The following LARP4B variants were observed in gnomAD, a reference collection of about 807,000 sequenced individuals.
The protein encoded by LARP4B is La ribonucleoprotein 4B, also known as la-related protein 4B.
LARP4B carries 12 observed loss-of-function variants against 89.8 expected under a neutral mutation model. The ratio of observed to expected loss-of-function variants is 0.13; its 90% confidence interval spans 0.09 to 0.22. LARP4B has a LOEUF of 0.22. Ranked by LOEUF, LARP4B falls within the 10% of genes least tolerant of loss-of-function variation. LARP4B has a pLI of 1.00. For missense variants in LARP4B, 757 were observed against 947.7 expected (o/e 0.80, Z 2.64); for synonymous variants, 367 against 363.3 (o/e 1.01, Z -0.12).
chr10:962,583 A>G, the LARP4B span, among the ~76,000 whole-genome samples: 4 of 152,180 alleles, frequency 2.6e-5, no homozygotes, highest in Admixed American at 6.5e-5. Context: ...GCTTGGTGTG[A>G]TACAAATCCT....
intron 8 of LARP4B, among the ~76,000 whole-genome samples, chr10:832,926 T>C (rs1832984568): frequency 6.6e-6 from 1 of 152,188 alleles, no homozygotes; most frequent in African/African-American, 2.4e-5. Context: ...TTTTAATCTC[T>C]TTTTAAAAGT....
intron 1 of LARP4B, among the ~76,000 whole-genome samples, chr10:920,396 A>G (rs1836946653): frequency 6.6e-6 from 1 of 152,258 alleles, no homozygotes; most frequent in Non-Finnish European, 1.5e-5. Context: ...TGACAAAATA[A>G]CGTAGAACAA....
At position 810,672 on chromosome 10, in the gene LARP4B, T is replaced by C. The variant is rs1044950574; in HGVS notation, c.*2254A>G. On this transcript the variant is annotated 3_prime_UTR_variant, in exon 18 of 18. Coordinates refer to ENST00000316157, the MANE Select transcript of LARP4B (RefSeq NM_015155.3). Reference sequence around the variant, plus strand: ...GGCCTTGTGTTTTGGGAATGGCTGATGGCGCCCTGGCCCTTCCGTAGCGAA... The same window carrying C: ...GGCCTTGTGTTTTGGGAATGGCTGACGGCGCCCTGGCCCTTCCGTAGCGAA... 1 of 152,258 alleles carries C rather than the reference T, an allele frequency of 6.6e-6. No individual in the cohort carries two copies. The highest frequency in any genetic ancestry group is 1.5e-5 in the Non-Finnish European group (1 of 68,042). 9.4% of individuals were successfully genotyped at this position (152,258 alleles called of 1,614,324 possible). A position where few individuals can be genotyped will look rare whatever the true frequency, so the allele number is the denominator to read the frequency against.
the LARP4B span, among the ~76,000 whole-genome samples, chr10:962,503 T>C: frequency 6.6e-6 from 1 of 152,094 alleles, no homozygotes; most frequent in Non-Finnish European, 1.5e-5. Context: ...AATAAGAATT[T>C]GGCTTCCTTG....
chr10:970,504 T>C, the LARP4B span, among the ~76,000 whole-genome samples: 1 of 152,194 alleles, frequency 6.6e-6, no homozygotes, highest in Non-Finnish European at 1.5e-5. Context: ...ACTGAGTCTC[T>C]AAGAGCTTGT....
Position 863,867 on chromosome 10 carries a change from A to G in LARP4B, c.306T>C (p.Gly102=), listed in dbSNP as rs1319179417. The change falls in exon 5 of 18, where the codon GGT becomes GGC. Residue 102 remains glycine (G), a synonymous_variant. Transcript: ENST00000316157. ...DRGPQGSDAN[G]DGDQGHENAA... is the part of the protein sequence containing the mutation. ...CATTCTCATGGCCCTGGTCACCATC[A>G]CCATTGGCATCCGATCCTACAATTA... The G allele has an allele frequency of 1.2e-6, 2 of 1,612,638 alleles. No individual in the cohort carries two copies. The highest frequency in any genetic ancestry group is 8.5e-7 in the Non-Finnish European group (1 of 1,179,682).
chr10:858,143 T>C (rs1834403728), intron 5 of LARP4B, among the ~76,000 whole-genome samples: 1 of 152,220 alleles, frequency 6.6e-6, no homozygotes, highest in African/African-American at 2.4e-5. Flanking sequence ...GGCTCCTCTA[T>C]ATTCTTGTAG....
intron 5 of LARP4B, among the ~76,000 whole-genome samples, chr10:858,375 TA>T (rs1450007670): frequency 6.6e-6 from 1 of 152,186 alleles, no homozygotes; most frequent in Non-Finnish European, 1.5e-5. Flanking sequence ...ATCCATACTT[TA>T]TACCATATAC....
intron 1 of LARP4B, among the ~76,000 whole-genome samples, chr10:890,952 A>C (rs964599670): frequency 6.6e-6 from 1 of 152,204 alleles, no homozygotes; most frequent in Non-Finnish European, 1.5e-5. Context: ...CAAATGGGCA[A>C]GTCATAGAAG....
chr10:914,079 G>A lies in LARP4B; in HGVS notation c.-40+17349C>T, dbSNP rs747653229. Among the ~76,000 whole-genome samples the A allele has an allele frequency of 1.1e-3, 161 of 152,026 alleles. 1 individual carries two copies. The highest frequency in any genetic ancestry group is 1.7e-3 in the Non-Finnish European group (115 of 68,002). On this transcript the variant is annotated intron_variant, in intron 1 of 17. Coordinates refer to ENST00000316157, the MANE Select transcript of LARP4B (RefSeq NM_015155.3). ...TATCTCATTTATAGGGTACAGAAAA[G>A]TTAAATATATTTAGGTTATAAACAA...
At chr10:902,676 ACT>A (rs1436032224) in intron 1 of LARP4B, among the ~76,000 whole-genome samples, 2 of 147,326 alleles carry the variant, frequency 1.4e-5, no homozygotes, top group Non-Finnish European at 3.0e-5. Context: ...ATAGAGTCTC[ACT>A]CTGTTGCCCA....
intron 1 of LARP4B, among the ~76,000 whole-genome samples, chr10:921,001 T>C (rs1836962431): frequency 1.3e-5 from 2 of 151,726 alleles, no homozygotes; most frequent in Middle Eastern, 3.4e-3. Flanking sequence ...GGGTCAGGCA[T>C]GGTGGCTCAC....
At chr10:849,976 A>T (rs978594232) in intron 5 of LARP4B, among the ~76,000 whole-genome samples, 13 of 152,242 alleles carry the variant, frequency 8.5e-5, no homozygotes, top group African/African-American at 3.1e-4. Flanking sequence ...GTAACAATGA[A>T]ATATAATGTG....
At chr10:863,699 C>T (rs529348285) in intron 5 of LARP4B, 44 bp downstream of exon 5, 47 of 1,532,820 alleles carry the variant, frequency 3.1e-5, no homozygotes, top group Admixed American at 2.2e-4. Context: ...ATAAATAAAG[C>T]AGCCCATATT....
At chr10:933,926 G>A (rs150337122), upstream of LARP4B, among the ~76,000 whole-genome samples, 103 of 151,800 alleles carry the variant, frequency 6.8e-4, no homozygotes, top group African/African-American at 1.8e-3. Flanking sequence ...TCAGTCTCCC[G>A]GGTTCAAGTG....
rs1224559992 is a variant in LARP4B, at chr10:811,095, A to G, written c.*1831T>C. On this transcript the variant is annotated 3_prime_UTR_variant, in exon 18 of 18. Coordinates refer to ENST00000316157, the MANE Select transcript of LARP4B (RefSeq NM_015155.3). ...GCATTTACATACATTTTAAAAGAGT[A>G]TGAAAACATCTGGAGGCTTTTAATA... 2.0e-5 allele frequency: 3 copies of G among 152,662 alleles called. No individual in the cohort carries two copies. Among genetic ancestry groups the G allele is most frequent in the Non-Finnish European group, 4.4e-5 (3 of 68,052 alleles). 9.5% of individuals were successfully genotyped at this position (152,662 alleles called of 1,614,324 possible). A position where few individuals can be genotyped will look rare whatever the true frequency, so the allele number is the denominator to read the frequency against.
the LARP4B span, among the ~76,000 whole-genome samples, chr10:945,643 A>G: frequency 6.6e-6 from 1 of 151,428 alleles, no homozygotes; most frequent in East Asian, 1.9e-4. Context: ...AGCCAGGATC[A>G]CGCCACTGCA....
chr10:851,838 GC>G (rs1326841861), intron 5 of LARP4B, among the ~76,000 whole-genome samples: 1 of 152,098 alleles, frequency 6.6e-6, no homozygotes, highest in Non-Finnish European at 1.5e-5. Context: ...GCTGAGGTGA[GC>G]GGATCGCTTG....
rs1348910054 is a variant in LARP4B at position 843,065 on chromosome 10, C to G, written c.513G>C (p.Glu171Asp). 10 of 1,612,866 alleles carry G rather than the reference C, an allele frequency of 6.2e-6. No homozygotes were observed. The highest frequency in any genetic ancestry group is 8.5e-6 in the Non-Finnish European group (10 of 1,179,462). Reference protein sequence around the residue: ...KKTLEFCLSRENLASDMYLIS... With the variant: ...KKTLEFCLSRDNLASDMYLIS... ...TAAGATACATGTCACTAGCAAGGTTCTCCCTGTTGAAAGAAAACAATCTCT... is the reference window on the plus strand; with the variant it reads ...TAAGATACATGTCACTAGCAAGGTTGTCCCTGTTGAAAGAAAACAATCTCT... The change falls in exon 7 of 18, where the codon GAG (glutamate) becomes GAC (aspartate). Residue 171 changes from glutamate (E) to aspartate (D), a missense_variant. Coordinates refer to ENST00000316157, the MANE Select transcript of LARP4B (RefSeq NM_015155.3).
Sources: allele counts gnomAD v4.1 joint callset (sites outside exome capture counted in the v4.1 genomes callset), GRCh38; gene constraint gnomAD v4.1.1; transcripts MANE v1.5; gene names NCBI Gene and HGNC (gene_info 2026-07-23, HGNC 2026-07-21).